Variants in SEC16A observed in about 807,000 individuals in gnomAD.
SEC16A encodes the protein protein transport protein Sec16A.
In SEC16A, 110 loss-of-function variants were observed where a neutral mutation model predicts 221.9. That is an observed-to-expected ratio of 0.50 (90% CI 0.42 to 0.58). The LOEUF (loss-of-function observed/expected upper bound fraction) is 0.58. Among genes scored for constraint, SEC16A ranks in the 20% least tolerant of loss-of-function variants. SEC16A has a pLI of 0.00. For synonymous variants in SEC16A, 1,393 were observed against 1,257.7 expected (o/e 1.11, Z -2.28); for missense variants, 3,165 against 3,097.8 (o/e 1.02, Z -0.52).
At chr9:136,472,205 C>T in intron 3 of SEC16A, 94 bp from the exon 4 acceptor site, 1 of 1,480,482 alleles carries the variant, frequency 6.8e-7, no homozygotes, top group South Asian at 1.2e-5. Flanking sequence ...AGAGGGCGGG[C>T]AGCATTAGAT....
Position 136,440,640 on chromosome 9 carries a change from G to A in SEC16A, c.*1115C>T, listed in dbSNP as rs983626955. The A allele has an allele frequency of 6.6e-6, 1 of 152,516 alleles. No homozygotes were observed. 9.4% of individuals were successfully genotyped at this position (152,516 alleles called of 1,614,324 possible). ...GCTTTGCATCAGTGAGAGGAGGCCC[G>A]TCTCTGAGTTGAACAGGGTTGAGTC... is the stretch of plus-strand genomic sequence containing the variant. On this transcript the variant is annotated 3_prime_UTR_variant, in exon 32 of 32. Transcript: ENST00000684901.
rs542807032 is a variant in SEC16A, at chr9:136,447,624, C to T, written c.6504G>A (p.Pro2168=). The T allele has an allele frequency of 8.7e-6, 14 of 1,613,628 alleles. No homozygotes were observed. The highest frequency in any genetic ancestry group is 4.5e-5 in the East Asian group (2 of 44,890). ...TSMPKTVQAA[P]PALPGPPGAP... The stretch of plus-strand genomic sequence containing the variant: ...CTCCAGGAGGCCCTGGGAGGGCAGG[C>T]GGGGCAGCTTGCACAGTCTTGGGCA... The change falls in exon 26 of 32, where the codon CCG becomes CCA. Residue 2168 remains proline, a synonymous_variant. Transcript: ENST00000684901. This position sits in a 1 kb window ranked among gnomAD's most constrained non-coding sequence, Gnocchi z 5.5.
intron 22 of SEC16A, among the ~76,000 whole-genome samples, chr9:136,451,945 G>A (rs777152554): frequency 6.6e-6 from 1 of 152,202 alleles, no homozygotes; most frequent in Non-Finnish European, 1.5e-5. Context: ...CTGGGTATCT[G>A]TAAAGAAGGT....
rs373120832 is a variant in SEC16A at position 136,456,137 on chromosome 9, G to C, written c.5580C>G (p.Pro1860=). ...CCTCTTCTGGCTTCTCTTTCAGCTG[G>C]GGATCGAAGAGTCGTAACTGGGAAG... The part of the protein sequence containing the change: ...QMASQLRLFD[P]QLKEKPEEES... The change falls in exon 19 of 32, where the codon CCC becomes CCG. Residue 1860 remains proline (P), a synonymous_variant. Transcript: ENST00000684901. 3 of 1,612,328 alleles carry C rather than the reference G, an allele frequency of 1.9e-6. No individual in the cohort carries two copies. The highest frequency in any genetic ancestry group is 1.3e-5 in the African/African-American group (1 of 74,884).
At chr9:136,450,468 C>T (rs1837631778) in intron 23 of SEC16A, among the ~76,000 whole-genome samples, 1 of 150,130 alleles carries the variant, frequency 6.7e-6, no homozygotes, top group Non-Finnish European at 1.5e-5. Context: ...AGTGAGACCC[C>T]ATCTTTATGG....
At chr9:136,471,892 G>T in intron 4 of SEC16A, 83 bp downstream of exon 4, 1 of 1,497,836 alleles carries the variant, frequency 6.7e-7, no homozygotes, top group Non-Finnish European at 9.1e-7. Context: ...AACTTTTTGA[G>T]TCACTAAGTT....
rs367979227 is a variant in SEC16A, at chr9:136,472,142, A to G, written c.3568-31T>C. ...GGAGGAAGCATTTGGGCAGGATTAG[A>G]CACCAATCAAGAGCAAGCTCGTCCA... On this transcript the variant is annotated intron_variant, in intron 3 of 31. Transcript: ENST00000684901. 57 of 1,611,632 alleles carry G rather than the reference A, an allele frequency of 3.5e-5. No homozygotes were observed. The African/African-American group carries it at 7.3e-4, about 21-fold the overall frequency.
chr9:136,462,332 T>C (rs1014221576), intron 12 of SEC16A, among the ~76,000 whole-genome samples: 2 of 152,162 alleles, frequency 1.3e-5, no homozygotes, highest in East Asian at 3.8e-4. Flanking sequence ...GCAGTCACTA[T>C]GGACCCCCCA....
Position 136,466,864 on chromosome 9 carries a change from A to T in SEC16A, c.3929+93T>A. The T allele has an allele frequency of 7.0e-7, 1 of 1,438,116 alleles. No homozygotes were observed. The highest frequency in any genetic ancestry group is 9.3e-7 in the Non-Finnish European group (1 of 1,074,486). 89.1% of individuals were successfully genotyped at this position (1,438,116 alleles called of 1,614,324 possible). On this transcript the variant is annotated intron_variant, in intron 6 of 31. Coordinates refer to ENST00000684901, the MANE Select transcript of SEC16A (RefSeq NM_014866.2). The surrounding 1 kb of genome is among the most constrained non-coding windows in gnomAD (Gnocchi z 5.5). ...GGCAGATGCTCACCCAAACTACCAC[A>T]GCTCTTTGTTAAAACCCAGACATGA...
Position 136,459,320 on chromosome 9 carries a change from A to AGT in SEC16A, c.5304-83_5304-82dup. On this transcript the variant is annotated intron_variant, in intron 16 of 31. Transcript: ENST00000684901. The surrounding 1 kb of genome is among the most constrained non-coding windows in gnomAD (Gnocchi z 6.1). The stretch of plus-strand genomic sequence containing the variant: ...TCAACCTTGGAGCAAATCATCCAGA[A>AGT]GTGTGTCCCACCACGTGACAAATAA... 1.4e-6 allele frequency: 2 copies of AGT among 1,447,858 alleles called. No homozygotes were observed. Among genetic ancestry groups the AGT allele is most frequent in the Non-Finnish European group, 1.9e-6 (2 of 1,036,814 alleles). The allele number at this position is 1,447,858 out of a possible 1,614,324, so 89.7% of individuals were successfully genotyped here.
Position 136,476,234 on chromosome 9 carries a change from T to C in SEC16A, c.1382A>G (p.Asn461Ser), listed in dbSNP as rs1841609306. The change falls in exon 3 of 32, where the codon AAC becomes AGC. Residue 461 changes from asparagine to serine, a missense_variant. Asn to Ser is a conservative substitution (Grantham distance 46, BLOSUM62 1). Transcript: ENST00000684901. ...ASGSQYENVE[N>S]LEFVQNQEVL... ...TTCTTGATTCTGAACAAATTCTAAGTTCTCAACATTCTCATACTGCGAGCC... is the reference window on the plus strand; with the variant it reads ...TTCTTGATTCTGAACAAATTCTAAGCTCTCAACATTCTCATACTGCGAGCC... 6 of 1,613,596 alleles carry C rather than the reference T, an allele frequency of 3.7e-6. No individual in the cohort carries two copies. Among genetic ancestry groups the C allele is most frequent in the Non-Finnish European group, 5.1e-6 (6 of 1,179,886 alleles).
chr9:136,479,798 A>T (rs752977544), intron 1 of SEC16A, among the ~76,000 whole-genome samples: 3 of 151,952 alleles, frequency 2.0e-5, no homozygotes, highest in African/African-American at 4.8e-5. Context: ...ACTCGAGTTC[A>T]GCAGTTTGAG....
intron 4 of SEC16A, among the ~76,000 whole-genome samples, chr9:136,469,011 G>A (rs371425576): frequency 6.6e-6 from 1 of 152,168 alleles, no homozygotes; most frequent in South Asian, 2.1e-4. Flanking sequence ...ACCACACCTG[G>A]CTAATTTTTT....
Position 136,447,776 on chromosome 9 carries a change from C to A in SEC16A, c.6447+77G>T. The A allele has an allele frequency of 2.6e-6, 4 of 1,548,366 alleles. No individual in the cohort carries two copies. The highest frequency in any genetic ancestry group is 3.5e-6 in the Non-Finnish European group (4 of 1,129,066). On this transcript the variant is annotated intron_variant, in intron 25 of 31. Coordinates refer to ENST00000684901, the MANE Select transcript of SEC16A (RefSeq NM_014866.2). This position sits in a 1 kb window ranked among gnomAD's most constrained non-coding sequence, Gnocchi z 5.5. ...GGCTCCAAAAGGGGCAACAGCCACCCAAATATCACAGGGCCACATGAGGCT... is the reference window on the plus strand; with the variant it reads ...GGCTCCAAAAGGGGCAACAGCCACCAAAATATCACAGGGCCACATGAGGCT...
At position 136,447,898 on chromosome 9, in the gene SEC16A, A is replaced by G. The variant is rs1837232013; in HGVS notation, c.6402T>C (p.Asp2134=). Residue 2134 remains aspartate (D), a synonymous_variant, in exon 25 of 32, where the codon GAT becomes GAC. Transcript: ENST00000684901. The surrounding 1 kb of genome is among the most constrained non-coding windows in gnomAD (Gnocchi z 5.5). ...AATTCACCCACTGGTTTTTCTTTTC[A>G]TCCCAAACAATCTGCCAAGATTTTA... ...PDDKNKSIVW[D]EKKNQWVNLN... 1.2e-6 allele frequency: 2 copies of G among 1,608,358 alleles called. No individual in the cohort carries two copies. The highest frequency in any genetic ancestry group is 1.7e-6 in the Non-Finnish European group (2 of 1,176,986).
At chr9:136,484,329 G>C, upstream of SEC16A, 1 of 1,133,758 alleles carries the variant, frequency 8.8e-7, no homozygotes, top group Non-Finnish European at 1.1e-6. Flanking sequence ...GCCACGGCCA[G>C]GCCAGGCAGC....
At chr9:136,483,742 C>T (rs1010417686), upstream of SEC16A, 15 of 985,288 alleles carry the variant, frequency 1.5e-5, no homozygotes, top group Non-Finnish European at 1.4e-5. Flanking sequence ...GGGGCCCTGA[C>T]GCGGGCGCGC....
intron 3 of SEC16A, among the ~76,000 whole-genome samples, chr9:136,472,924 A>G (rs951618544): frequency 2.6e-5 from 4 of 152,228 alleles, no homozygotes; most frequent in African/African-American, 9.7e-5. Flanking sequence ...AGGACCGGAC[A>G]AAGGACCCGA....
chr9:136,455,869 G>A (rs528812329), intron 19 of SEC16A, 76 bp from the exon 20 acceptor site: 88 of 1,416,754 alleles, frequency 6.2e-5, no homozygotes, highest in African/African-American at 3.0e-4. Flanking sequence ...CCACCACCGC[G>A]CTTGCTGTGT....
Sources: gnomAD v4.1 joint callset for allele counts (sites outside exome capture counted in the v4.1 genomes callset) on GRCh38, gnomAD v4.1.1 for gene constraint, Gnocchi (gnomAD v3.1) non-coding constraint, MANE v1.5 for transcripts, NCBI Gene and HGNC (gene_info 2026-07-23, HGNC 2026-07-21) for gene names.